The following AHI1 variants were observed in gnomAD, a reference collection of about 807,000 sequenced individuals.
AHI1 encodes the protein Abelson helper integration site 1, also known as jouberin.
A neutral mutation model predicts 149.3 loss-of-function variants in AHI1; 123 were observed. The observed-to-expected ratio is 0.82, with a 90% CI of 0.71 to 0.96. AHI1 has a LOEUF of 0.96. AHI1 is among the 40% of genes least tolerant of loss of function. AHI1 has a pLI of 0.00. For synonymous variants in AHI1, 475 were observed against 459.8 expected (o/e 1.03, Z -0.42); for missense variants, 1,439 against 1,422.7 (o/e 1.01, Z -0.18).
intron 23 of AHI1, among the ~76,000 whole-genome samples, chr6:135,394,189 T>C (rs1412932811): frequency 1.3e-5 from 2 of 152,084 alleles, no homozygotes; most frequent in Non-Finnish European, 2.9e-5. Context: ...GAAAAAGTCA[T>C]CTTTCAATAC....
chr6:135,361,255 C>T (rs921385745), intron 23 of AHI1, among the ~76,000 whole-genome samples: 3 of 152,218 alleles, frequency 2.0e-5, no homozygotes, highest in Admixed American at 6.5e-5. Flanking sequence ...GCTTTTGCTG[C>T]CTTATATTTA....
intron 21 of AHI1, among the ~76,000 whole-genome samples, chr6:135,405,875 G>GAAAAAAAAAAAAAAAAAA (rs561001090): frequency 1.8e-5 from 2 of 109,078 alleles, no homozygotes; most frequent in African/African-American, 3.4e-5. Flanking sequence ...AAAAAAAAAA[G>GAAAAAAAAAAAAAAAAAA]AAAAAAAAAA....
intron 21 of AHI1, among the ~76,000 whole-genome samples, chr6:135,408,696 G>A (rs1781156871): frequency 6.6e-6 from 1 of 152,068 alleles, no homozygotes; most frequent in Non-Finnish European, 1.5e-5. Flanking sequence ...TATCTATCAA[G>A]GAAGCAAGAA....
intron 17 of AHI1, 145 bp downstream of exon 17, chr6:135,431,063 C>T: frequency 5.3e-6 from 3 of 567,958 alleles, no homozygotes; most frequent in Non-Finnish European, 9.2e-6. Context: ...GGAGGGTGTG[C>T]TAATTAATTA....
At chr6:135,362,523 C>A (rs775437478) in intron 23 of AHI1, among the ~76,000 whole-genome samples, 4 of 152,156 alleles carry the variant, frequency 2.6e-5, no homozygotes, top group Non-Finnish European at 5.9e-5. Flanking sequence ...CACATTTACA[C>A]CAACATCTAT....
At chr6:135,491,279 A>C (rs900383415) in intron 4 of AHI1, among the ~76,000 whole-genome samples, 1 of 152,338 alleles carries the variant, frequency 6.6e-6, no homozygotes, top group East Asian at 1.9e-4. Flanking sequence ...TATGCCCTAC[A>C]GGGCTCCATA....
intron 26 of AHI1, among the ~76,000 whole-genome samples, chr6:135,314,136 C>G (rs566250695): frequency 6.6e-6 from 1 of 152,324 alleles, no homozygotes; most frequent in East Asian, 1.9e-4. Flanking sequence ...TTATGGACCT[C>G]ATGTCTGTGT....
intron 26 of AHI1, among the ~76,000 whole-genome samples, chr6:135,305,358 T>A (rs188530695): frequency 1.3e-5 from 2 of 152,348 alleles, no homozygotes; most frequent in East Asian, 3.9e-4. Flanking sequence ...TCTGGAAATA[T>A]ACTTGGATTC....
At chr6:135,433,876 C>T (rs2128024827) in intron 15 of AHI1, among the ~76,000 whole-genome samples, 1 of 152,010 alleles carries the variant, frequency 6.6e-6, no homozygotes, top group Non-Finnish European at 1.5e-5. Flanking sequence ...TTTTGTTTAA[C>T]ACTCATTATC....
At chr6:135,292,153 C>T (rs1467434871) in intron 27 of AHI1, among the ~76,000 whole-genome samples, 1 of 152,036 alleles carries the variant, frequency 6.6e-6, no homozygotes, top group Non-Finnish European at 1.5e-5. Flanking sequence ...CACACACACA[C>T]AAAGACCCCA....
intron 24 of AHI1, among the ~76,000 whole-genome samples, chr6:135,335,990 G>A (rs1789314648): frequency 1.3e-5 from 2 of 151,790 alleles, no homozygotes; most frequent in South Asian, 4.2e-4. Context: ...GAGCACGCCT[G>A]TAGTCCCAGC....
At chr6:135,397,684 A>G (rs1275915983) in intron 22 of AHI1, among the ~76,000 whole-genome samples, 1 of 152,046 alleles carries the variant, frequency 6.6e-6, no homozygotes, top group Non-Finnish European at 1.5e-5. Flanking sequence ...TGAATGCACA[A>G]TATTAAGCAA....
chr6:135,384,565 A>G (rs1028627254), intron 23 of AHI1, among the ~76,000 whole-genome samples: 3 of 152,228 alleles, frequency 2.0e-5, no homozygotes, highest in African/African-American at 7.2e-5. Context: ...ATTCAAGCTA[A>G]TCAAAATTGC....
Position 135,427,186 on chromosome 6 carries a change from C to T in AHI1, c.2745G>A (p.Leu915=), listed in dbSNP as rs1302826582. The T allele has an allele frequency of 1.2e-6, 2 of 1,609,970 alleles. No individual in the cohort carries two copies. Among genetic ancestry groups the T allele is most frequent in the Admixed American group, 1.7e-5 (1 of 59,666 alleles). The change falls in exon 20 of 29, where the codon CTG becomes CTA. Residue 915 remains leucine, a synonymous_variant. Coordinates refer to ENST00000265602, the MANE Select transcript of AHI1 (RefSeq NM_001134831.2). ...CAFGQNEPIL[L]YIYDFHVAQQ... ...ACTTACCATGGAAATCGTAAATATA[C>T]AGAAGAATTGGCTCATTTTGCCCAA...
chr6:135,337,732 T>G (rs1789609089), intron 24 of AHI1, among the ~76,000 whole-genome samples: 1 of 137,232 alleles, frequency 7.3e-6, no homozygotes, highest in Non-Finnish European at 1.5e-5. Flanking sequence ...GCTACTGCAC[T>G]CCAGCCTGGG....
At chr6:135,314,955 GC>G (rs1225412719) in intron 26 of AHI1, among the ~76,000 whole-genome samples, 2 of 152,156 alleles carry the variant, frequency 1.3e-5, no homozygotes, top group Non-Finnish European at 2.9e-5. Context: ...ATCTGCCCTT[GC>G]CTACGTCCTA....
intron 24 of AHI1, among the ~76,000 whole-genome samples, chr6:135,345,031 A>C (rs1202535876): frequency 1.3e-5 from 2 of 152,144 alleles, no homozygotes; most frequent in Non-Finnish European, 2.9e-5. Flanking sequence ...GAAAATGAGC[A>C]AAGAATTTGA....
chr6:135,320,080 T>C (rs1786573734), intron 25 of AHI1, among the ~76,000 whole-genome samples: 1 of 152,218 alleles, frequency 6.6e-6, no homozygotes, highest in Non-Finnish European at 1.5e-5. Context: ...AATATGCTAC[T>C]GACAGTCATT....
chr6:135,417,908 T>C (rs1476645227), intron 20 of AHI1, among the ~76,000 whole-genome samples: 1 of 152,044 alleles, frequency 6.6e-6, no homozygotes, highest in Non-Finnish European at 1.5e-5. Context: ...TTGTAAAATA[T>C]TAATAGGATT....
Sources: allele counts gnomAD v4.1 joint callset (sites outside exome capture counted in the v4.1 genomes callset), GRCh38; gene constraint gnomAD v4.1.1; transcripts MANE v1.5; gene names NCBI Gene and HGNC (gene_info 2026-07-23, HGNC 2026-07-21).